UNC119: variants seen among roughly 807,000 people sequenced by gnomAD.
The protein encoded by UNC119 is protein unc-119 homolog A.
In UNC119, 15 loss-of-function variants were observed where a neutral mutation model predicts 22.6. The ratio of observed to expected loss-of-function variants is 0.66; its 90% CI spans 0.44 to 1.02. The LOEUF (loss-of-function observed/expected upper bound fraction) is 1.02. UNC119 is among the 50% of genes least tolerant of loss of function. The pLI is 0.00. For synonymous variants in UNC119, 138 were observed against 139.4 expected (o/e 0.99, Z 0.07); for missense variants, 322 against 336.0 (o/e 0.96, Z 0.33).
intron 1 of UNC119, chr17:28,552,087 G>A: frequency 1.5e-6 from 1 of 683,134 alleles, no homozygotes. Context: ...AAAAGGGGAC[G>A]GGCCCCTGGA....
At chr17:28,549,232 T>C in intron 1 of UNC119, 1 of 157,360 alleles carries the variant, frequency 6.4e-6, no homozygotes, top group South Asian at 1.7e-4. Context: ...GGAGAGTCAC[T>C]GTCCTTCTCT....
At position 28,547,375 on chromosome 17, in the gene UNC119, C is replaced by T. The variant is rs200457307; in HGVS notation, c.645G>A (p.Gln215=). 16 of 1,614,240 alleles carry T rather than the reference C, an allele frequency of 9.9e-6. No individual in the cohort carries two copies. The African/African-American group carries it at 1.7e-4, about 17-fold the overall frequency. Residue 215 remains glutamine (Q), a synonymous_variant, in exon 5 of 5, where the codon CAG becomes CAA. Coordinates refer to ENST00000335765, the MANE Select transcript of UNC119 (RefSeq NM_005148.4). ...SEMIRHPYET[Q]SDSFYFVDDR... ...CATCCACGAAGTAGAAGCTGTCAGA[C>T]TGGGTCTCATACGGGTGGCGGATCA... is the stretch of plus-strand genomic sequence containing the variant.
At chr17:28,552,232 G>C in intron 1 of UNC119, 106 bp downstream of exon 1, 3 of 1,073,988 alleles carry the variant, frequency 2.8e-6, no homozygotes, top group Non-Finnish European at 2.7e-6. Context: ...CGGTGGGGGA[G>C]GGGAGGCGGG....
rs1008242055 is a variant in UNC119, at chr17:28,548,495, A to AG, written c.334+96dup. On this transcript the variant is annotated intron_variant, in intron 2 of 4. Transcript: ENST00000335765. Reference sequence around the variant, plus strand: ...CTGAGAATGCTGGGGTCCAAGCCCCAGCTCTGTGGACTCCTCTGTGGCCCA... The same window carrying AG: ...CTGAGAATGCTGGGGTCCAAGCCCCAGGCTCTGTGGACTCCTCTGTGGCCCA... The AG allele has an allele frequency of 2.2e-5, 23 of 1,036,932 alleles. No homozygotes were observed. The Middle Eastern group carries it at 8.2e-4, about 37-fold the overall frequency. 64.2% of individuals were successfully genotyped at this position (1,036,932 alleles called of 1,614,324 possible).
At chr17:28,548,180 A>G (rs2070232667) in intron 2 of UNC119, 79 bp from the exon 3 acceptor site, 3 of 1,424,536 alleles carry the variant, frequency 2.1e-6, no homozygotes. Context: ...TTGGGTCCCC[A>G]TCTATCTGAT....
In UNC119 at chr17:28,552,414, C is replaced by A; in HGVS notation, c.144G>T (p.Gly48=). ...TCCTCTGCAGCGGCCCCGGCCTGGG[C>A]CCTGGGCCTGCGTCCGGCTCCGACT... ...GSESEPDAGP[G]PRPGPLQRKQ... The change falls in exon 1 of 5, where the codon GGG becomes GGT. Residue 48 remains glycine (G), a synonymous_variant. Transcript: ENST00000335765. 6.4e-7 allele frequency: 1 copy of A among 1,556,502 alleles called. No individual in the cohort carries two copies. The highest frequency in any genetic ancestry group is 8.6e-7 in the Non-Finnish European group (1 of 1,159,306).
chr17:28,549,225 G>A (rs2070245484), intron 1 of UNC119: 1 of 159,092 alleles, frequency 6.3e-6, no homozygotes, highest in Non-Finnish European at 1.4e-5. Flanking sequence ...TGTCTTGGGA[G>A]AGTCACTGTC....
chr17:28,547,485 G>T, intron 4 of UNC119, 76 bp from the exon 5 acceptor site: 1 of 1,598,774 alleles, frequency 6.3e-7, no homozygotes, highest in Non-Finnish European at 8.5e-7. Context: ...TCAGGACTGG[G>T]GTACAGGGAC....
chr17:28,548,181 T>C, intron 2 of UNC119, 80 bp from the exon 3 acceptor site: 1 of 1,420,832 alleles, frequency 7.0e-7, no homozygotes, highest in Non-Finnish European at 9.6e-7. Flanking sequence ...TGGGTCCCCA[T>C]CTATCTGATT....
chr17:28,548,801 T>C, intron 1 of UNC119, 96 bp from the exon 2 acceptor site: 1 of 943,548 alleles, frequency 1.1e-6, no homozygotes, highest in East Asian at 2.4e-5. Context: ...CATCTTCTCA[T>C]CCCTGGGATC....
rs200895223 is a variant in UNC119 at position 28,548,048 on chromosome 17, G to T, written c.388C>A (p.Arg130Ser). The stretch of plus-strand genomic sequence containing the variant: ...AGGAAGGCAGGCGTGAACTGGTAGC[G>T]GACAAAGCGCCCAGCATTGGGGTCC... The part of the protein sequence containing the change: ...DLDPNAGRFV[R>S]YQFTPAFLRL... Residue 130 changes from arginine to serine, a missense_variant, in exon 3 of 5, where the codon CGC becomes AGC. Coordinates refer to ENST00000335765, the MANE Select transcript of UNC119 (RefSeq NM_005148.4). The T allele has an allele frequency of 6.2e-7, 1 of 1,613,854 alleles. No individual in the cohort carries two copies. The highest frequency in any genetic ancestry group is 8.5e-7 in the Non-Finnish European group (1 of 1,180,020).
chr17:28,548,156 C>T (rs2070232208), intron 2 of UNC119, 55 bp from the exon 3 acceptor site: 1 of 1,542,760 alleles, frequency 6.5e-7, no homozygotes, highest in Admixed American at 1.9e-5. Context: ...CCTTGTCCAC[C>T]CAGGGTTCTA....
Position 28,548,688 on chromosome 17 carries a change from C to G in UNC119, c.238G>C (p.Glu80Gln), listed in dbSNP as rs1291739810. Residue 80 changes from glutamate (E) to glutamine (Q), a missense_variant, in exon 2 of 5, where the codon GAG becomes CAG. Transcript: ENST00000335765. ...RITGDYLCSP[E>Q]ENIYKIDFVR... The stretch of plus-strand genomic sequence containing the variant: ...AAGTCGATCTTGTAGATATTCTCCT[C>G]AGGGGAGCAGAGGTAGTCTAGGGGA... 6.2e-7 allele frequency: 1 copy of G among 1,614,096 alleles called. No homozygotes were observed.
At chr17:28,548,559 C>T (rs1303148325) in intron 2 of UNC119, 33 bp downstream of exon 2, 3 of 1,578,826 alleles carry the variant, frequency 1.9e-6, no homozygotes, top group Non-Finnish European at 2.6e-6. Context: ...CTCCTATCTG[C>T]CTCCCCATCA....
Position 28,552,596 on chromosome 17 carries a change from C to G in UNC119, c.-39G>C. The G allele has an allele frequency of 5.4e-6, 8 of 1,475,072 alleles. No individual in the cohort carries two copies. Among genetic ancestry groups the G allele is most frequent in the Non-Finnish European group, 7.2e-6 (8 of 1,118,848 alleles). The allele number at this position is 1,475,072 out of a possible 1,614,324, so 91.4% of individuals were successfully genotyped here. ...CGAGGCTCGCCTGCTGCTGCCGCCGCTGCCTGCGCCGGCTGGAGCCGGGGG... is the reference window on the plus strand; with the variant it reads ...CGAGGCTCGCCTGCTGCTGCCGCCGGTGCCTGCGCCGGCTGGAGCCGGGGG... On this transcript the variant is annotated 5_prime_UTR_variant, in exon 1 of 5. Coordinates refer to ENST00000335765, the MANE Select transcript of UNC119 (RefSeq NM_005148.4).
intron 1 of UNC119, chr17:28,550,452 G>A (rs1162557314): frequency 6.6e-6 from 1 of 152,142 alleles, no homozygotes; most frequent in African/African-American, 2.4e-5. Context: ...TGAGGAACAC[G>A]GATATCTATG....
At chr17:28,548,996 C>G in intron 1 of UNC119, 1 of 322,882 alleles carries the variant, frequency 3.1e-6, no homozygotes, top group Non-Finnish European at 5.9e-6. Flanking sequence ...AACACTCTCT[C>G]TCCCACTCTG....
chr17:28,548,582 GC>G lies in UNC119; in HGVS notation c.334+9del. On this transcript the variant is annotated intron_variant, in intron 2 of 4. Transcript: ENST00000335765. ...TGCCTCCCCATCAATGGCCCACCCA[GC>G]CCACTCACCTGAGACTGGGGGCTTC... 6.2e-7 allele frequency: 1 copy of G among 1,609,278 alleles called. No homozygotes were observed. The highest frequency in any genetic ancestry group is 8.5e-7 in the Non-Finnish European group (1 of 1,175,594).
In UNC119 at chr17:28,547,117, G is replaced by T; in HGVS notation, c.*180C>A. 2 of 729,554 alleles carry T rather than the reference G, an allele frequency of 2.7e-6. No individual in the cohort carries two copies. The highest frequency in any genetic ancestry group is 4.6e-6 in the Non-Finnish European group (2 of 432,824). 45.2% of individuals were successfully genotyped at this position (729,554 alleles called of 1,614,324 possible). A position where few individuals can be genotyped will look rare whatever the true frequency, so the allele number is the denominator to read the frequency against. Reference sequence around the variant, plus strand: ...ACGACCCCACCCCATGTAGCAGGCCGCATGGGCTTCATGGGCTTGACTGGG... The same window carrying T: ...ACGACCCCACCCCATGTAGCAGGCCTCATGGGCTTCATGGGCTTGACTGGG... On this transcript the variant is annotated 3_prime_UTR_variant, in exon 5 of 5. Coordinates refer to ENST00000335765, the MANE Select transcript of UNC119 (RefSeq NM_005148.4).
Sources: allele counts gnomAD v4.1 joint callset, GRCh38; gene constraint gnomAD v4.1.1; transcripts MANE v1.5; gene names NCBI Gene and HGNC (gene_info 2026-07-23, HGNC 2026-07-21).